The following NTN4 variants were observed in gnomAD, a reference collection of about 807,000 sequenced individuals.
NTN4 encodes netrin 4.
In NTN4, 32 loss-of-function variants were observed where a neutral mutation model predicts 73.6. The observed-to-expected ratio is 0.44, with a 90% CI of 0.33 to 0.58. The LOEUF (loss-of-function observed/expected upper bound fraction) is 0.58. Among genes scored for constraint, NTN4 ranks in the 20% least tolerant of loss-of-function variants. The pLI is 0.04. For synonymous variants in NTN4, 258 were observed against 287.5 expected, an observed-to-expected ratio of 0.90 and a Z score of 1.04; for missense variants, 654 against 798.3, an observed-to-expected ratio of 0.82 and a Z score of 2.18.
At chr12:95,707,552 C>A (rs2078529768) in intron 5 of NTN4, among the ~76,000 whole-genome samples, 1 of 152,128 alleles carries the variant, frequency 6.6e-6, no homozygotes, top group African/African-American at 2.4e-5. Context: ...GGATCCCTTC[C>A]CTCTTGTTTT....
At position 95,658,110 on chromosome 12, in the gene NTN4, C is replaced by T. The variant is rs1451142395; in HGVS notation, c.*976G>A. The T allele has an allele frequency of 2.0e-5, 3 of 152,170 alleles. No individual in the cohort carries two copies. The highest frequency in any genetic ancestry group is 7.2e-5 in the African/African-American group (3 of 41,408). The allele number at this position is 152,170 out of a possible 1,614,324, so 9.4% of individuals were successfully genotyped here. On this transcript the variant is annotated 3_prime_UTR_variant, in exon 10 of 10. Coordinates refer to ENST00000343702, the MANE Select transcript of NTN4 (RefSeq NM_021229.4). ...CTGTTAAGAAAGACAAGGAGGAAAA[C>T]TGTTTCAATGTTCAGGTTTAAATAC... is the stretch of plus-strand genomic sequence containing the variant.
chr12:95,759,369 C>G (rs1046709204), intron 2 of NTN4, among the ~76,000 whole-genome samples: 1 of 151,942 alleles, frequency 6.6e-6, no homozygotes, highest in African/African-American at 2.4e-5. Context: ...CACTGATGCT[C>G]TTTTTACTTA....
At chr12:95,707,557 T>A (rs2078529894) in intron 5 of NTN4, among the ~76,000 whole-genome samples, 2 of 152,092 alleles carry the variant, frequency 1.3e-5, no homozygotes, top group South Asian at 4.1e-4. Flanking sequence ...CCTTCCCTCT[T>A]GTTTTATTTT....
chr12:95,682,502 G>C (rs7309713), intron 7 of NTN4, among the ~76,000 whole-genome samples: 1 of 147,846 alleles, frequency 6.8e-6, no homozygotes, highest in African/African-American at 2.5e-5. Flanking sequence ...CTAATCATCA[G>C]AAAACAAACA....
At chr12:95,728,747 C>G (rs1312530316) in intron 3 of NTN4, among the ~76,000 whole-genome samples, 1 of 152,104 alleles carries the variant, frequency 6.6e-6, no homozygotes, top group Non-Finnish European at 1.5e-5. Context: ...ATCTGTGTCC[C>G]CATCCAAATC....
intron 5 of NTN4, among the ~76,000 whole-genome samples, chr12:95,695,512 G>A (rs889232363): frequency 1.3e-5 from 2 of 152,010 alleles, no homozygotes; most frequent in Non-Finnish European, 2.9e-5. Context: ...TTACAGGTGT[G>A]TGCCACCACA....
chr12:95,727,798 T>A (rs4340128), intron 3 of NTN4, among the ~76,000 whole-genome samples: 1 of 151,992 alleles, frequency 6.6e-6, no homozygotes, highest in Admixed American at 6.5e-5. Context: ...CTTTCCCACC[T>A]GAATTTTAGG....
intron 7 of NTN4, chr12:95,673,246 C>T: frequency 2.6e-6 from 1 of 386,890 alleles, no homozygotes; most frequent in Non-Finnish European, 5.0e-6. Context: ...TGCACCCACT[C>T]CCTTCATTCA....
chr12:95,702,308 GA>G (rs558357623), intron 5 of NTN4, among the ~76,000 whole-genome samples: 11,235 of 118,392 alleles, frequency 0.095, 781 homozygotes, highest in African/African-American at 0.22. Flanking sequence ...CAAAAAAAAA[GA>G]AAAAAAAAAA....
chr12:95,708,650 C>T (rs138185681), intron 5 of NTN4, among the ~76,000 whole-genome samples: 183 of 152,104 alleles, frequency 1.2e-3, no homozygotes, highest in African/African-American at 4.2e-3. Flanking sequence ...CTCAAGTGAT[C>T]CTCCCACCTC....
At chr12:95,687,431 T>G (rs960050257) in intron 5 of NTN4, among the ~76,000 whole-genome samples, 5 of 152,014 alleles carry the variant, frequency 3.3e-5, no homozygotes, top group Non-Finnish European at 5.9e-5. Context: ...GATGGAGTCT[T>G]GCTTTACTGT....
chr12:95,669,647 C>T (rs913785230), intron 8 of NTN4, among the ~76,000 whole-genome samples: 11 of 152,188 alleles, frequency 7.2e-5, no homozygotes, highest in African/African-American at 2.4e-4. Context: ...GAGTCCAAAG[C>T]CTGTGCTCTC....
chr12:95,707,112 C>G (rs1460478966), intron 5 of NTN4, among the ~76,000 whole-genome samples: 1 of 152,182 alleles, frequency 6.6e-6, no homozygotes, highest in Non-Finnish European at 1.5e-5. Flanking sequence ...AACACAAGAA[C>G]AGTCTTTTGA....
intron 7 of NTN4, among the ~76,000 whole-genome samples, chr12:95,679,169 ATAAACT>A (rs2078296874): frequency 6.6e-6 from 1 of 152,240 alleles, no homozygotes; most frequent in South Asian, 2.1e-4. Flanking sequence ...GTGGGATTTA[ATAAACT>A]TAATCTAAAA....
intron 5 of NTN4, among the ~76,000 whole-genome samples, chr12:95,699,429 T>C (rs1188162633): frequency 1.3e-5 from 2 of 152,182 alleles, no homozygotes; most frequent in South Asian, 2.1e-4. Context: ...AGCATCACTA[T>C]ACAGGAGGTA....
At chr12:95,680,727 G>A (rs2078308621) in intron 7 of NTN4, among the ~76,000 whole-genome samples, 1 of 152,130 alleles carries the variant, frequency 6.6e-6, no homozygotes. Context: ...ACATTTCAGA[G>A]ATGGGCTCTT....
chr12:95,706,573 A>T (rs1294038757), intron 5 of NTN4, among the ~76,000 whole-genome samples: 1 of 152,238 alleles, frequency 6.6e-6, no homozygotes, highest in East Asian at 1.9e-4. Context: ...TACTAATTGA[A>T]TTATTGTGAT....
At chr12:95,775,208 A>G (rs1465925671) in intron 2 of NTN4, among the ~76,000 whole-genome samples, 1 of 152,254 alleles carries the variant, frequency 6.6e-6, no homozygotes, top group Non-Finnish European at 1.5e-5. Flanking sequence ...GCTTGGTTCC[A>G]AGATGGCTGA....
intron 8 of NTN4, among the ~76,000 whole-genome samples, chr12:95,669,089 T>A (rs1368935601): frequency 6.6e-6 from 1 of 151,998 alleles, no homozygotes; most frequent in Non-Finnish European, 1.5e-5. Flanking sequence ...ATGCCTGTAA[T>A]CCCAGCTATT....
Sources: allele counts gnomAD v4.1 joint callset (sites outside exome capture counted in the v4.1 genomes callset), GRCh38; gene constraint gnomAD v4.1.1; transcripts MANE v1.5; gene names NCBI Gene and HGNC (gene_info 2026-07-23, HGNC 2026-07-21).